Variants in ZBTB7C observed in about 807,000 individuals in gnomAD.
ZBTB7C encodes the protein zinc finger and BTB domain-containing protein 7C.
ZBTB7C carries 8 observed loss-of-function variants against 25.7 expected under a neutral mutation model. The observed-to-expected ratio is 0.31, with a 90% CI of 0.18 to 0.56. ZBTB7C has a LOEUF of 0.56. Ranked by LOEUF, ZBTB7C falls within the 20% of genes least tolerant of loss-of-function variation. The pLI is 0.91. For synonymous variants in ZBTB7C, 394 were observed against 369.0 expected, an observed-to-expected ratio of 1.07 and a Z score of -0.78; for missense variants, 824 against 855.2, an observed-to-expected ratio of 0.96 and a Z score of 0.46.
intron 1 of ZBTB7C, among the ~76,000 whole-genome samples, chr18:48,352,437 G>A (rs1328035467): frequency 6.6e-6 from 1 of 152,218 alleles, no homozygotes; most frequent in Non-Finnish European, 1.5e-5. Context: ...AGGCCCCAAA[G>A]GCCCACTGTT....
rs373314761 is a variant in ZBTB7C at position 48,264,820 on chromosome 18, A to G, written c.-79+73354T>C. Reference sequence around the variant, plus strand: ...GCAGCCTGTAGAATTTTCTACCTTCACAGGGCACTTTGCAAAGCTCTTTTC... The same window carrying G: ...GCAGCCTGTAGAATTTTCTACCTTCGCAGGGCACTTTGCAAAGCTCTTTTC... On this transcript the variant is annotated intron_variant, in intron 2 of 4. Coordinates refer to ENST00000590800, the MANE Select transcript of ZBTB7C (RefSeq NM_001318841.2). Among the ~76,000 whole-genome samples, 24 of 152,286 alleles carry G rather than the reference A, an allele frequency of 1.6e-4. No individual in the cohort carries two copies. In the East Asian group the frequency reaches 3.1e-3, roughly 20 times the overall value.
chr18:48,137,135 G>C (rs2059222451), intron 3 of ZBTB7C: 1 of 985,406 alleles, frequency 1.0e-6, no homozygotes, highest in African/African-American at 1.7e-5. Context: ...GGTTGTCATT[G>C]ATTCGTGCTG....
chr18:48,107,111 G>T (rs1025217803), intron 3 of ZBTB7C, among the ~76,000 whole-genome samples: 8 of 150,956 alleles, frequency 5.3e-5, no homozygotes, highest in Non-Finnish European at 1.2e-4. Flanking sequence ...GGAGGAGAGA[G>T]GGGAAGAGAG....
At chr18:48,230,031 C>A (rs1004289170) in intron 2 of ZBTB7C, among the ~76,000 whole-genome samples, 2 of 152,228 alleles carry the variant, frequency 1.3e-5, no homozygotes, top group African/African-American at 4.8e-5. Flanking sequence ...CAGAGCCTTT[C>A]TGCAAAGGGG....
At chr18:48,187,540 A>G (rs1471772192) in intron 2 of ZBTB7C, among the ~76,000 whole-genome samples, 1 of 152,180 alleles carries the variant, frequency 6.6e-6, no homozygotes, top group Admixed American at 6.5e-5. Context: ...AAGGCCGGGC[A>G]TGGTGGCTCA....
At chr18:48,167,563 G>GGTGTGT (rs748451365) in intron 3 of ZBTB7C, among the ~76,000 whole-genome samples, 9,329 of 142,428 alleles carry the variant, frequency 0.065, 346 homozygotes, top group Admixed American at 0.095. Context: ...GCATTGCTAG[G>GGTGTGT]GTGTGTGTGT....
intron 3 of ZBTB7C, among the ~76,000 whole-genome samples, chr18:48,073,250 AT>A (rs908963643): frequency 1.3e-5 from 2 of 152,032 alleles, no homozygotes; most frequent in African/African-American, 4.8e-5. Flanking sequence ...TGTGCAGATT[AT>A]TTTTTTAAGT....
intron 2 of ZBTB7C, among the ~76,000 whole-genome samples, chr18:48,294,162 G>A (rs143795422): frequency 1.0e-3 from 152 of 152,366 alleles, no homozygotes; most frequent in African/African-American, 3.5e-3. Flanking sequence ...GAGGCTTGGA[G>A]AGGGGACTAG....
chr18:48,190,693 CT>C (rs908795031), intron 2 of ZBTB7C, among the ~76,000 whole-genome samples: 4 of 152,202 alleles, frequency 2.6e-5, no homozygotes, highest in African/African-American at 9.6e-5. Context: ...CGACTGTGGG[CT>C]TCAGTGCATG....
intron 2 of ZBTB7C, among the ~76,000 whole-genome samples, chr18:48,304,992 T>C (rs977885655): frequency 6.6e-6 from 1 of 152,148 alleles, no homozygotes; most frequent in African/African-American, 2.4e-5. Flanking sequence ...CTCGAGCCTT[T>C]GTTACCTTTA....
In ZBTB7C at chr18:48,386,351, C is replaced by T. The variant is rs1156246299; in HGVS notation, c.-304+22875G>A. Among the ~76,000 whole-genome samples, 7 of 152,230 alleles carry T rather than the reference C, an allele frequency of 4.6e-5. No individual in the cohort carries two copies. In the East Asian group the frequency reaches 9.6e-4, roughly 21 times the overall value. On this transcript the variant is annotated intron_variant, in intron 1 of 4. Transcript: ENST00000590800. ...ATGCTGAGCGTCCACAGGGGAAGAA[C>T]ATGCACCAGCCCAAGGTCCAGGTGA...
intron 2 of ZBTB7C, among the ~76,000 whole-genome samples, chr18:48,333,000 C>A (rs2046376167): frequency 6.6e-6 from 1 of 152,122 alleles, no homozygotes; most frequent in Admixed American, 6.5e-5. Context: ...ATAGTAAGAT[C>A]TCTCTAGAAT....
chr18:48,077,081 C>CAAAAAAAAA (rs2037795671), intron 3 of ZBTB7C: 2 of 486,784 alleles, frequency 4.1e-6, no homozygotes, highest in African/African-American at 4.8e-5. Flanking sequence ...AAAAAAAAAG[C>CAAAAAAAAA]ATTTCCTCCT....
chr18:48,306,938 T>C (rs904522444), intron 2 of ZBTB7C, among the ~76,000 whole-genome samples: 2 of 152,202 alleles, frequency 1.3e-5, no homozygotes, highest in Non-Finnish European at 2.9e-5. Flanking sequence ...TGTTAGCCAG[T>C]GTTCCACGGA....
intron 3 of ZBTB7C, among the ~76,000 whole-genome samples, chr18:48,178,681 G>C (rs117897979): frequency 2.0e-5 from 3 of 152,128 alleles, no homozygotes; most frequent in Non-Finnish European, 4.4e-5. Flanking sequence ...CTGTCGCATC[G>C]TCAGAGCGGG....
At chr18:48,327,461 C>T (rs944064828) in intron 2 of ZBTB7C, among the ~76,000 whole-genome samples, 4 of 152,202 alleles carry the variant, frequency 2.6e-5, no homozygotes. Context: ...AGTTCCAGCC[C>T]AGCTTTGCCG....
At chr18:48,388,819 T>G (rs1185914326) in intron 1 of ZBTB7C, among the ~76,000 whole-genome samples, 1 of 152,206 alleles carries the variant, frequency 6.6e-6, no homozygotes, top group Non-Finnish European at 1.5e-5. Context: ...AAGAGAGATA[T>G]TTGCACAGAT....
intron 4 of ZBTB7C, among the ~76,000 whole-genome samples, chr18:48,035,263 A>G (rs973743084): frequency 6.6e-6 from 1 of 152,250 alleles, no homozygotes; most frequent in African/African-American, 2.4e-5. Context: ...ACTGCGGTGC[A>G]GAGGTCGTCC....
intron 3 of ZBTB7C, among the ~76,000 whole-genome samples, chr18:48,042,846 G>C (rs889320489): frequency 6.6e-6 from 1 of 152,126 alleles, no homozygotes; most frequent in Admixed American, 6.5e-5. Context: ...CTGTACTCTG[G>C]GGATGCACAG....
Sources: allele counts gnomAD v4.1 joint callset (sites outside exome capture counted in the v4.1 genomes callset), GRCh38; gene constraint gnomAD v4.1.1; transcripts MANE v1.5; gene names NCBI Gene and HGNC (gene_info 2026-07-23, HGNC 2026-07-21).